SLIT3: variants seen among roughly 807,000 people sequenced by gnomAD.
The protein encoded by SLIT3 is slit homolog 3 protein.
A neutral mutation model predicts 184.0 loss-of-function variants in SLIT3; 68 were observed. The observed-to-expected ratio is 0.37, with a 90% CI of 0.30 to 0.45. SLIT3 has a LOEUF of 0.45. SLIT3 is among the 20% of genes least tolerant of loss of function. The probability of loss-of-function intolerance (pLI) is 1.00; values close to 1 mark genes in which losing one functional copy is unlikely to be tolerated. For synonymous variants in SLIT3, 831 were observed against 828.6 expected (o/e 1.00, Z -0.05); for missense variants, 1,707 against 2,026.0 (o/e 0.84, Z 3.02).
intron 4 of SLIT3, among the ~76,000 whole-genome samples, chr5:169,060,727 G>A (rs1758149786): frequency 1.3e-5 from 2 of 152,240 alleles, no homozygotes; most frequent in African/African-American, 4.8e-5. Flanking sequence ...CAGAGCTCAG[G>A]CAGAGAAGTT....
At chr5:168,758,861 C>T (rs759837336) in intron 16 of SLIT3, among the ~76,000 whole-genome samples, 2 of 152,210 alleles carry the variant, frequency 1.3e-5, no homozygotes, top group African/African-American at 2.4e-5. Flanking sequence ...CATCCCTAAC[C>T]AGAATGTCCG....
chr5:169,110,799 C>T (rs996939807), intron 4 of SLIT3, among the ~76,000 whole-genome samples: 3 of 152,190 alleles, frequency 2.0e-5, no homozygotes, highest in Admixed American at 1.3e-4. Context: ...GCGTAGCTCA[C>T]CCCACCCTCA....
chr5:168,900,667 T>C (rs1198126859), intron 4 of SLIT3, among the ~76,000 whole-genome samples: 1 of 152,200 alleles, frequency 6.6e-6, no homozygotes, highest in African/African-American at 2.4e-5. Flanking sequence ...ACTTGTATGT[T>C]TATCTTAGCA....
intron 5 of SLIT3, among the ~76,000 whole-genome samples, chr5:168,865,379 C>T (rs951260920): frequency 6.6e-6 from 1 of 152,136 alleles, no homozygotes; most frequent in Non-Finnish European, 1.5e-5. Context: ...CTGAAGTATA[C>T]CCATACTCTG....
intron 6 of SLIT3, among the ~76,000 whole-genome samples, chr5:168,842,648 G>A (rs1213097384): frequency 5.3e-5 from 8 of 152,078 alleles, no homozygotes; most frequent in Non-Finnish European, 1.0e-4. Context: ...TGGGGAGATA[G>A]ACTCAGAGAG....
At chr5:168,734,890 C>A (rs566473588) in intron 20 of SLIT3, among the ~76,000 whole-genome samples, 1 of 152,184 alleles carries the variant, frequency 6.6e-6, no homozygotes, top group Non-Finnish European at 1.5e-5. Flanking sequence ...CATGATGGAG[C>A]CAAGCACAAG....
In SLIT3 at chr5:168,761,649, A is replaced by T. The variant is rs1755150902; in HGVS notation, c.1611-713T>A. Among the ~76,000 whole-genome samples, 3 of 152,116 alleles carry T rather than the reference A, an allele frequency of 2.0e-5. No individual in the cohort carries two copies. In the South Asian group the frequency reaches 6.2e-4, roughly 32 times the overall value. ...GGCCTAATCTTAGGAAGCCTGCCAG[A>T]GTCAGGTGTCAGCCCCATGTCTGTC... On this transcript the variant is annotated intron_variant, in intron 15 of 35. Coordinates refer to ENST00000519560, the MANE Select transcript of SLIT3 (RefSeq NM_003062.4).
chr5:169,110,602 C>T (rs76977797), intron 4 of SLIT3, among the ~76,000 whole-genome samples: 2,561 of 152,228 alleles, frequency 0.017, 38 homozygotes, highest in East Asian at 0.036. Context: ...AGGGCCCATC[C>T]GAAAGACCTC....
rs191732368 is a variant in SLIT3 at position 169,002,768 on chromosome 5, C to T, written c.414-119432G>A. Among the ~76,000 whole-genome samples, 432 of 152,258 alleles carry T rather than the reference C, an allele frequency of 2.8e-3. 1 individual carries two copies. The highest frequency in any genetic ancestry group is 4.9e-3 in the Non-Finnish European group (334 of 68,034). ...TTTAGCAGTCTCTTCTCACTATTAG[C>T]TAATTTTGCCATAGAGGCACAAAAC... On this transcript the variant is annotated intron_variant, in intron 4 of 35. Coordinates refer to ENST00000519560, the MANE Select transcript of SLIT3 (RefSeq NM_003062.4).
intron 16 of SLIT3, among the ~76,000 whole-genome samples, chr5:168,754,908 C>T (rs575545994): frequency 6.6e-6 from 1 of 152,260 alleles, no homozygotes; most frequent in East Asian, 1.9e-4. Flanking sequence ...CACTGATTTT[C>T]AAGAGGAAGG....
At chr5:169,281,513 G>A (rs182395874) in intron 1 of SLIT3, among the ~76,000 whole-genome samples, 134 of 152,276 alleles carry the variant, frequency 8.8e-4, no homozygotes, top group African/African-American at 3.0e-3. Context: ...CATCTGTCCA[G>A]TTCCTCTAGG....
intron 4 of SLIT3, among the ~76,000 whole-genome samples, chr5:168,899,119 T>C (rs2113823888): frequency 6.6e-6 from 1 of 152,384 alleles, no homozygotes; most frequent in African/African-American, 2.4e-5. Flanking sequence ...CTTTCAGCTT[T>C]TCTAAATCAT....
chr5:168,897,646 G>GCACACACACACACACACACACA, intron 4 of SLIT3, among the ~76,000 whole-genome samples: 72 of 105,440 alleles, frequency 6.8e-4, no homozygotes, highest in African/African-American at 2.8e-3. Flanking sequence ...ACAGGTGCAC[G>GCACACACACACACACACACACA]TACACACACA....
chr5:168,703,030 C>T (rs1762263339), intron 26 of SLIT3, among the ~76,000 whole-genome samples: 1 of 152,150 alleles, frequency 6.6e-6, no homozygotes, highest in Non-Finnish European at 1.5e-5. Context: ...GGAGGCAGAG[C>T]CTAGCGCTTG....
At chr5:168,966,283 C>T (rs1763188919) in intron 4 of SLIT3, among the ~76,000 whole-genome samples, 1 of 151,812 alleles carries the variant, frequency 6.6e-6, no homozygotes, top group Non-Finnish European at 1.5e-5. Context: ...TCAAATGGGA[C>T]CCAGATGAAG....
chr5:168,800,799 G>A (rs1289468141), intron 9 of SLIT3, among the ~76,000 whole-genome samples: 1 of 152,214 alleles, frequency 6.6e-6, no homozygotes, highest in Non-Finnish European at 1.5e-5. Flanking sequence ...CTGTGCATGT[G>A]CTCAGATGCC....
chr5:168,760,768 TGG>T, intron 16 of SLIT3, 92 bp downstream of exon 16: 1 of 899,272 alleles, frequency 1.1e-6, no homozygotes, highest in Non-Finnish European at 1.8e-6. Context: ...GAGCAGAGGC[TGG>T]GGGAGAGGCC....
intron 12 of SLIT3, among the ~76,000 whole-genome samples, chr5:168,776,637 G>A (rs945700128): frequency 1.9e-4 from 29 of 152,160 alleles, no homozygotes; most frequent in Admixed American, 7.9e-4. Flanking sequence ...CCATCCTATC[G>A]GTCTATACTC....
chr5:169,201,513 T>C (rs1296752868), intron 3 of SLIT3, among the ~76,000 whole-genome samples: 4 of 152,218 alleles, frequency 2.6e-5, no homozygotes, highest in African/African-American at 9.6e-5. Flanking sequence ...CTACTGTTAT[T>C]ATCAGTATAA....
Sources: allele counts gnomAD v4.1 joint callset (sites outside exome capture counted in the v4.1 genomes callset), GRCh38; gene constraint gnomAD v4.1.1; transcripts MANE v1.5; gene names NCBI Gene and HGNC (gene_info 2026-07-23, HGNC 2026-07-21).